Variants in THSD7B observed in about 807,000 individuals in gnomAD.
THSD7B encodes the protein thrombospondin type 1 domain containing 7B, also known as thrombospondin type-1 domain-containing protein 7B.
In THSD7B, 138 loss-of-function variants were observed where a neutral mutation model predicts 213.6. That is an observed-to-expected ratio of 0.65 (90% CI 0.56 to 0.74). The LOEUF (loss-of-function observed/expected upper bound fraction) is 0.74. THSD7B is among the 30% of genes least tolerant of loss of function. The pLI, the probability that THSD7B is intolerant of heterozygous loss-of-function variation, is 0.00. For missense variants in THSD7B, 1,931 were observed against 1,991.5 expected (o/e 0.97, Z 0.58); for synonymous variants, 742 against 687.0 (o/e 1.08, Z -1.25).
intron 15 of THSD7B, among the ~76,000 whole-genome samples, chr2:137,492,523 T>C (rs1289667760): frequency 6.6e-6 from 1 of 152,194 alleles, no homozygotes; most frequent in East Asian, 1.9e-4. Flanking sequence ...CTCAATACTT[T>C]TCCTTGCCAA....
chr2:137,495,885 C>G (rs370667061), intron 15 of THSD7B, among the ~76,000 whole-genome samples: 6 of 152,156 alleles, frequency 3.9e-5, no homozygotes, highest in African/African-American at 1.4e-4. Flanking sequence ...TTCTACCCCC[C>G]TGGCAAGCCC....
chr2:137,561,406 C>G (rs13400612), intron 15 of THSD7B, among the ~76,000 whole-genome samples: 44,801 of 152,030 alleles, frequency 0.29, 7,372 homozygotes, highest in African/African-American at 0.45. Flanking sequence ...CAACCCTTTG[C>G]TCTTAAATTC....
At chr2:137,471,703 G>T (rs907879721) in intron 15 of THSD7B, among the ~76,000 whole-genome samples, 4 of 152,054 alleles carry the variant, frequency 2.6e-5, no homozygotes, top group African/African-American at 9.7e-5. Flanking sequence ...CCCATTTTGG[G>T]GAGAACTTTG....
intron 10 of THSD7B, among the ~76,000 whole-genome samples, chr2:137,266,399 A>T (rs1184150343): frequency 1.3e-5 from 2 of 152,214 alleles, no homozygotes; most frequent in African/African-American, 2.4e-5. Context: ...CATAAAAAGC[A>T]TTGGTGTCAT....
rs142060931 is a variant in THSD7B at position 137,436,649 on chromosome 2, T to C, written c.2960-14196T>C. Among the ~76,000 whole-genome samples, 742 of 152,270 alleles carry C rather than the reference T, an allele frequency of 4.9e-3. 3 individuals carry two copies. The highest frequency in any genetic ancestry group is 9.6e-3 in the Admixed American group (147 of 15,290). On this transcript the variant is annotated intron_variant, in intron 14 of 27. Transcript: ENST00000409968. ...ATTCAACTGATACTGTTATGAACAG[T>C]CTTACAACAGCCTCTTGTGCCACAG...
intron 1 of THSD7B, among the ~76,000 whole-genome samples, chr2:136,844,490 G>GACAGAGAGAGAC (rs1553452621): frequency 1.3e-5 from 2 of 149,486 alleles, no homozygotes; most frequent in African/African-American, 5.0e-5. Flanking sequence ...GAGAGAGAGA[G>GACAGAGAGAGAC]AGAGACAGAG....
intron 7 of THSD7B, among the ~76,000 whole-genome samples, chr2:137,172,417 T>A (rs1197699606): frequency 2.0e-5 from 3 of 152,100 alleles, no homozygotes; most frequent in Non-Finnish European, 4.4e-5. Flanking sequence ...TAATTATTGA[T>A]CCTACTTACA....
intron 14 of THSD7B, among the ~76,000 whole-genome samples, chr2:137,429,396 A>G (rs1325768073): frequency 6.6e-6 from 1 of 152,232 alleles, no homozygotes; most frequent in Non-Finnish European, 1.5e-5. Flanking sequence ...AGTTGAATGC[A>G]AATATATATA....
At chr2:137,293,479 C>A (rs1683386424) in intron 12 of THSD7B, among the ~76,000 whole-genome samples, 1 of 151,756 alleles carries the variant, frequency 6.6e-6, no homozygotes, top group Non-Finnish European at 1.5e-5. Context: ...TACCTCATAC[C>A]TTTTCTTTTT....
chr2:137,191,437 T>A (rs375907934), intron 7 of THSD7B, among the ~76,000 whole-genome samples: 38 of 152,116 alleles, frequency 2.5e-4, no homozygotes, highest in South Asian at 2.1e-3. Context: ...GGGCTTAAGC[T>A]GGGATGAGGG....
intron 15 of THSD7B, among the ~76,000 whole-genome samples, chr2:137,487,396 A>AAAAG (rs1688483067): frequency 8.3e-5 from 10 of 120,978 alleles, no homozygotes; most frequent in African/African-American, 3.2e-4. Flanking sequence ...AAAAAAAAAA[A>AAAAG]AAAGAACTAG....
At chr2:136,923,420 GA>G (rs1221230333) in intron 2 of THSD7B, among the ~76,000 whole-genome samples, 2 of 152,166 alleles carry the variant, frequency 1.3e-5, no homozygotes, top group Middle Eastern at 3.2e-3. Flanking sequence ...TGAGTGTGCA[GA>G]TACCTTTTCA....
At chr2:137,193,829 C>T (rs941972335) in intron 7 of THSD7B, among the ~76,000 whole-genome samples, 8 of 151,460 alleles carry the variant, frequency 5.3e-5, no homozygotes, top group Non-Finnish European at 1.2e-4. Flanking sequence ...TTCACCTTCT[C>T]TTAGACCTAG....
chr2:136,979,117 C>T (rs943307192), intron 2 of THSD7B, among the ~76,000 whole-genome samples: 1 of 152,116 alleles, frequency 6.6e-6, no homozygotes, highest in African/African-American at 2.4e-5. Flanking sequence ...TGAATATTGG[C>T]TCCCAATCTC....
At chr2:137,512,120 A>G (rs1679973544) in intron 15 of THSD7B, 1 of 152,012 alleles carries the variant, frequency 6.6e-6, no homozygotes, top group Non-Finnish European at 1.5e-5. Flanking sequence ...CCAATTTTAA[A>G]CTTTTCTCCC....
At chr2:137,020,196 T>C (rs1309540585) in intron 2 of THSD7B, among the ~76,000 whole-genome samples, 1 of 152,138 alleles carries the variant, frequency 6.6e-6, no homozygotes, top group Admixed American at 6.6e-5. Context: ...TAAAAGTAGA[T>C]GAAACAAGTG....
chr2:137,347,763 C>A (rs1376279024), intron 12 of THSD7B, among the ~76,000 whole-genome samples: 1 of 151,206 alleles, frequency 6.6e-6, no homozygotes, highest in African/African-American at 2.4e-5. Flanking sequence ...ATTTTTTCAA[C>A]TTCTATGCTT....
intron 2 of THSD7B, among the ~76,000 whole-genome samples, chr2:136,909,082 C>A (rs964610899): frequency 9.2e-5 from 14 of 151,938 alleles, no homozygotes; most frequent in Admixed American, 6.6e-4. Context: ...ACTAGGGAGG[C>A]TAAGGTACAA....
At chr2:137,263,565 C>T (rs1258177951) in intron 10 of THSD7B, among the ~76,000 whole-genome samples, 1 of 152,018 alleles carries the variant, frequency 6.6e-6, no homozygotes, top group Non-Finnish European at 1.5e-5. Context: ...ATATAGAGTA[C>T]ATTTTTTCAG....
Sources: allele counts gnomAD v4.1 joint callset (sites outside exome capture counted in the v4.1 genomes callset), GRCh38; gene constraint gnomAD v4.1.1; transcripts MANE v1.5; gene names NCBI Gene and HGNC (gene_info 2026-07-23, HGNC 2026-07-21).